The following UCHL5 variants were observed in gnomAD, a reference collection of about 807,000 sequenced individuals.
UCHL5 encodes the protein ubiquitin C-terminal hydrolase L5.
A neutral mutation model predicts 53.8 loss-of-function variants in UCHL5; 34 were observed. The ratio of observed to expected loss-of-function variants is 0.63; its 90% CI spans 0.48 to 0.84. UCHL5 has a LOEUF of 0.84. UCHL5 is among the 40% of genes least tolerant of loss of function. UCHL5 has a pLI of 0.00. For synonymous variants in UCHL5, 111 were observed against 126.3 expected (o/e 0.88, Z 0.81); for missense variants, 290 against 385.6 (o/e 0.75, Z 2.08).
At chr1:193,044,218 C>T (rs1666645289) in intron 3 of UCHL5, among the ~76,000 whole-genome samples, 1 of 152,282 alleles carries the variant, frequency 6.6e-6, no homozygotes, top group East Asian at 1.9e-4. Context: ...ATATCAATTG[C>T]TTCCACGAAA....
chr1:193,060,065 G>A (rs971863449), upstream of UCHL5: 325 of 1,314,550 alleles, frequency 2.5e-4, no homozygotes, highest in Non-Finnish European at 3.1e-4. Flanking sequence ...CCCACAGGCC[G>A]ACGTCGAGAG....
At chr1:193,043,907 C>A (rs1462245729) in intron 3 of UCHL5, among the ~76,000 whole-genome samples, 1 of 152,156 alleles carries the variant, frequency 6.6e-6, no homozygotes, top group African/African-American at 2.4e-5. Context: ...CCCCATGTGG[C>A]TCTTCCCTTG....
chr1:193,050,711 A>G (rs1458712879), intron 2 of UCHL5, among the ~76,000 whole-genome samples: 1 of 152,030 alleles, frequency 6.6e-6, no homozygotes, highest in Non-Finnish European at 1.5e-5. Flanking sequence ...GCACCACTGC[A>G]CTGCAACCTA....
At chr1:193,018,496 C>A in intron 10 of UCHL5, 1 of 1,064,978 alleles carries the variant, frequency 9.4e-7, no homozygotes, top group Non-Finnish European at 1.1e-6. Flanking sequence ...TTTTGGATTA[C>A]CTCCTAGGCA....
chr1:193,049,677 T>C, intron 3 of UCHL5, 69 bp downstream of exon 3: 2 of 1,262,314 alleles, frequency 1.6e-6, no homozygotes, highest in East Asian at 4.8e-5. Context: ...TAGCAAACAG[T>C]AGTAAACTAG....
chr1:193,052,441 T>A (rs1432884567), intron 1 of UCHL5, among the ~76,000 whole-genome samples: 1 of 152,100 alleles, frequency 6.6e-6, no homozygotes. Context: ...AGCAACTATT[T>A]GGTAGAGGCC....
At chr1:193,043,641 TG>T (rs34167679) in intron 3 of UCHL5, among the ~76,000 whole-genome samples, 52,062 of 151,616 alleles carry the variant, frequency 0.34, 10,948 homozygotes, top group South Asian at 0.52. Flanking sequence ...TGACTTAGGG[TG>T]GGGGTATTGG....
chr1:193,034,800 G>C (rs570394501), intron 3 of UCHL5, among the ~76,000 whole-genome samples: 43 of 151,952 alleles, frequency 2.8e-4, no homozygotes, highest in Non-Finnish European at 5.7e-4. Flanking sequence ...AGAAAAATCC[G>C]AACATAATTA....
At chr1:193,048,802 T>C (rs559482724) in intron 3 of UCHL5, among the ~76,000 whole-genome samples, 12 of 152,368 alleles carry the variant, frequency 7.9e-5, no homozygotes, top group African/African-American at 2.9e-4. Flanking sequence ...AATTTTTTGG[T>C]AACTATAGTT....
intron 6 of UCHL5, 80 bp from the exon 7 acceptor site, chr1:193,028,228 TA>T (rs1384404258): frequency 2.4e-6 from 3 of 1,236,242 alleles, no homozygotes; most frequent in Non-Finnish European, 3.3e-6. Flanking sequence ...TGGCCCAAAA[TA>T]TTTTTTTACA....
intron 3 of UCHL5, among the ~76,000 whole-genome samples, chr1:193,030,736 ATCCT>A (rs1661067773): frequency 6.6e-6 from 1 of 152,114 alleles, no homozygotes; most frequent in Non-Finnish European, 1.5e-5. Flanking sequence ...ATCTATTTTT[ATCCT>A]GCCTGATTTC....
chr1:193,018,490 G>A lies in UCHL5; in HGVS notation c.943-2095C>T, dbSNP rs1655650522. ...AGAAGTTTTATAACTATATATTTTT[G>A]GATTACCTCCTAGGCAGTTTTTAAA... On this transcript the variant is annotated intron_variant, in intron 10 of 10. Coordinates refer to ENST00000367454, the MANE Select transcript of UCHL5 (RefSeq NM_001199261.3). The A allele has an allele frequency of 2.9e-6, 3 of 1,039,678 alleles. No homozygotes were observed. The South Asian group carries it at 1.4e-4, about 48-fold the overall frequency. 64.4% of individuals were successfully genotyped at this position (1,039,678 alleles called of 1,614,324 possible). A position where few individuals can be genotyped will look rare whatever the true frequency, so the allele number is the denominator to read the frequency against.
chr1:193,020,207 C>A, intron 10 of UCHL5: 1 of 1,390,278 alleles, frequency 7.2e-7, no homozygotes, highest in Middle Eastern at 2.7e-4. Flanking sequence ...AACTTATTAG[C>A]TCACATCTCA....
intron 3 of UCHL5, among the ~76,000 whole-genome samples, chr1:193,046,925 TGGGA>T (rs1667523237): frequency 6.6e-6 from 1 of 151,780 alleles, no homozygotes; most frequent in South Asian, 2.1e-4. Context: ...ACAGAAAATG[TGGGA>T]GGAAGTATGA....
At chr1:193,045,055 G>A (rs1666924127) in intron 3 of UCHL5, among the ~76,000 whole-genome samples, 1 of 152,110 alleles carries the variant, frequency 6.6e-6, no homozygotes, top group South Asian at 2.1e-4. Context: ...TCTTTATAGA[G>A]TACTTTCTTA....
chr1:193,041,566 G>C (rs188308720), intron 3 of UCHL5, among the ~76,000 whole-genome samples: 12 of 152,082 alleles, frequency 7.9e-5, no homozygotes. Context: ...AAAACGTTTG[G>C]ATATTTCCTT....
intron 1 of UCHL5, among the ~76,000 whole-genome samples, chr1:193,052,293 T>A (rs866936429): frequency 2.6e-5 from 4 of 152,298 alleles, no homozygotes; most frequent in Non-Finnish European, 4.4e-5. Context: ...TCACGTCTCC[T>A]CCTCCCCTCC....
intron 1 of UCHL5, among the ~76,000 whole-genome samples, chr1:193,058,423 C>T (rs1671490209): frequency 6.6e-6 from 1 of 152,122 alleles, no homozygotes; most frequent in Non-Finnish European, 1.5e-5. Context: ...TAGATAAAAA[C>T]GTACTGTCCA....
At chr1:193,024,232 A>G (rs1658277524) in intron 7 of UCHL5, among the ~76,000 whole-genome samples, 1 of 151,348 alleles carries the variant, frequency 6.6e-6, no homozygotes, top group Admixed American at 6.6e-5. Flanking sequence ...ACAGAACAAG[A>G]CCCTGTCTCT....
Sources: gnomAD v4.1 joint callset for allele counts (sites outside exome capture counted in the v4.1 genomes callset) on GRCh38, gnomAD v4.1.1 for gene constraint, MANE v1.5 for transcripts, NCBI Gene and HGNC (gene_info 2026-07-23, HGNC 2026-07-21) for gene names.